SPTA1: variants seen among roughly 807,000 people sequenced by gnomAD.
SPTA1 encodes spectrin alpha, erythrocytic 1, also known as spectrin alpha chain, erythrocytic 1.
A neutral mutation model predicts 324.7 loss-of-function variants in SPTA1; 177 were observed. That is an observed-to-expected ratio of 0.55 (90% CI 0.48 to 0.62). The LOEUF (loss-of-function observed/expected upper bound fraction) is 0.62. Ranked by LOEUF, SPTA1 falls within the 20% of genes least tolerant of loss-of-function variation. The probability of loss-of-function intolerance (pLI) is 0.00; values close to 1 mark genes in which losing one functional copy is unlikely to be tolerated. For synonymous variants in SPTA1, 1,195 were observed against 1,041.3 expected (o/e 1.15, Z -2.84); for missense variants, 3,162 against 2,883.6 (o/e 1.10, Z -2.21).
intron 34 of SPTA1, 68 bp from the exon 35 acceptor site, chr1:158,639,754 G>T (rs975462489): frequency 6.2e-7 from 1 of 1,611,012 alleles, no homozygotes; most frequent in Admixed American, 1.7e-5. Flanking sequence ...AAGATCAGCA[G>T]CTATGTCCCC....
chr1:158,640,144 A>G (rs1651436798), intron 33 of SPTA1, 137 bp from the exon 34 acceptor site: 18 of 1,050,286 alleles, frequency 1.7e-5, no homozygotes, highest in Non-Finnish European at 2.5e-5. Context: ...ATACATTTCA[A>G]ACCAGTTATA....
At chr1:158,640,792 G>T (rs913431710) in intron 33 of SPTA1, among the ~76,000 whole-genome samples, 1 of 152,150 alleles carries the variant, frequency 6.6e-6, no homozygotes, top group African/African-American at 2.4e-5. Flanking sequence ...TTTCTTCACA[G>T]AATTGGAAAA....
intron 39 of SPTA1, among the ~76,000 whole-genome samples, chr1:158,629,283 T>A (rs1484407810): frequency 1.3e-5 from 2 of 151,764 alleles, no homozygotes; most frequent in Non-Finnish European, 2.9e-5. Flanking sequence ...GCAAAACTCC[T>A]CAACAAAATA....
chr1:158,635,803 A>T (rs970395508), intron 38 of SPTA1, 110 bp downstream of exon 38: 1 of 1,500,986 alleles, frequency 6.7e-7, no homozygotes, highest in Non-Finnish European at 9.2e-7. Flanking sequence ...GGAGATAGAT[A>T]GGTAGTTGGG....
chr1:158,614,004 G>T, intron 49 of SPTA1, 137 bp from the exon 50 acceptor site: 1 of 1,013,530 alleles, frequency 9.9e-7, no homozygotes, highest in Non-Finnish European at 1.5e-6. Flanking sequence ...TGAATACAAA[G>T]CCTGTCTGTG....
chr1:158,655,131 C>T (rs992376647), intron 20 of SPTA1, among the ~76,000 whole-genome samples: 1 of 152,180 alleles, frequency 6.6e-6, no homozygotes, highest in Non-Finnish European at 1.5e-5. Flanking sequence ...AAAAGACCCA[C>T]TCTCTGTCGT....
Position 158,644,323 on chromosome 1 carries a change from T to C in SPTA1, c.4268A>G (p.Lys1423Arg). 1 of 1,613,952 alleles carries C rather than the reference T, an allele frequency of 6.2e-7. No homozygotes were observed. The highest frequency in any genetic ancestry group is 8.5e-7 in the Non-Finnish European group (1 of 1,179,910). The change falls in exon 30 of 52, where the codon AAA (lysine) becomes AGA (arginine). Residue 1423 changes from lysine (K) to arginine (R), a missense_variant. Coordinates refer to ENST00000643759, the MANE Select transcript of SPTA1 (RefSeq NM_003126.4). ...ARENSLRSDD[K>R]SSLDSLEALM... ...AGCCTCCAGACTGTCTAAGGAACTT[T>C]TGTCATCTGACCTCAGGGAATTCTC...
At chr1:158,642,357 T>C (rs1007948305) in intron 33 of SPTA1, 54 bp downstream of exon 33, 8 of 1,569,184 alleles carry the variant, frequency 5.1e-6, no homozygotes, top group Non-Finnish European at 6.9e-6. Context: ...AAAGAAAGAG[T>C]AAATGATTCC....
At chr1:158,677,616 C>T (rs755092455) in intron 7 of SPTA1, 74 bp downstream of exon 7, 585 of 1,577,466 alleles carry the variant, frequency 3.7e-4, no homozygotes, top group Non-Finnish European at 4.8e-4. Flanking sequence ...TCTGGAGGCA[C>T]GGTAATAGGC....
rs1055540675 is a variant in SPTA1, at chr1:158,638,296, C to T, written c.4981-55G>A. ...GTATAGTATAGGCATTACTCAGATC[C>T]CACACTTTAACAACAGCTGGTCTGG... On this transcript the variant is annotated intron_variant, in intron 35 of 51. Transcript: ENST00000643759. 20 of 1,554,268 alleles carry T rather than the reference C, an allele frequency of 1.3e-5. No individual in the cohort carries two copies. The South Asian group carries it at 1.9e-4, about 15-fold the overall frequency.
chr1:158,633,725 G>A (rs1039716908), intron 39 of SPTA1, among the ~76,000 whole-genome samples: 3 of 151,706 alleles, frequency 2.0e-5, no homozygotes, highest in Non-Finnish European at 2.9e-5. Flanking sequence ...GGAAGCCTTT[G>A]AGAGCATTTG....
intron 2 of SPTA1, 76 bp downstream of exon 2, chr1:158,685,032 T>G: frequency 1.3e-6 from 2 of 1,576,752 alleles, no homozygotes; most frequent in Non-Finnish European, 1.7e-6. Flanking sequence ...CCATTAACAT[T>G]AACATAAAGA....
At chr1:158,617,435 G>C (rs1327312441) in intron 47 of SPTA1, 102 bp downstream of exon 47, 9 of 904,708 alleles carry the variant, frequency 9.9e-6, no homozygotes, top group Non-Finnish European at 1.6e-5. Context: ...GACTTCAGGT[G>C]ATACATACCT....
chr1:158,627,736 G>C lies in SPTA1; in HGVS notation c.5566-13C>G, dbSNP rs1650371270. 1 of 1,609,308 alleles carries C rather than the reference G, an allele frequency of 6.2e-7. No individual in the cohort carries two copies. The highest frequency in any genetic ancestry group is 8.5e-7 in the Non-Finnish European group (1 of 1,178,744). On this transcript the variant is annotated splice_polypyrimidine_tract_variant and intron_variant, in intron 39 of 51. Transcript: ENST00000643759. Reference sequence around the variant, plus strand: ...TCATTAGCAAGCTCTGCATAAATAAGTCGGTGAGAATTAAGATATCCAAAG... The same window carrying C: ...TCATTAGCAAGCTCTGCATAAATAACTCGGTGAGAATTAAGATATCCAAAG...
intron 45 of SPTA1, 98 bp downstream of exon 45, chr1:158,619,124 C>G: frequency 8.7e-7 from 1 of 1,143,544 alleles, no homozygotes; most frequent in Non-Finnish European, 1.3e-6. Context: ...AGAATACATG[C>G]TCTCAGAGTC....
chr1:158,652,672 A>G lies in SPTA1; in HGVS notation c.3189-19T>C. The stretch of plus-strand genomic sequence containing the variant: ...GCGGTATCTGGATGGAGAATTGGGA[A>G]AAGTGGAATAAAAGAAGGAGAAAAT... On this transcript the variant is annotated intron_variant, in intron 22 of 51. Transcript: ENST00000643759. The G allele has an allele frequency of 1.2e-6, 2 of 1,613,922 alleles. No homozygotes were observed. Among genetic ancestry groups the G allele is most frequent in the Non-Finnish European group, 1.7e-6 (2 of 1,179,916 alleles).
chr1:158,671,171 A>C (rs1653995768), intron 12 of SPTA1, among the ~76,000 whole-genome samples, 172 bp downstream of exon 12: 1 of 152,208 alleles, frequency 6.6e-6, no homozygotes, highest in East Asian at 1.9e-4. Flanking sequence ...AAAGAGTTTG[A>C]AAAACACACA....
chr1:158,637,917 G>T (rs1651204186), intron 36 of SPTA1, 116 bp downstream of exon 36: 1 of 1,202,646 alleles, frequency 8.3e-7, no homozygotes, highest in Non-Finnish European at 1.2e-6. Flanking sequence ...CAAACATGAA[G>T]TAGTGCTATC....
chr1:158,626,945 C>T lies in SPTA1; in HGVS notation c.5727G>A (p.Lys1909=). The T allele has an allele frequency of 6.2e-7, 1 of 1,613,954 alleles. No individual in the cohort carries two copies. Among genetic ancestry groups the T allele is most frequent in the Non-Finnish European group, 8.5e-7 (1 of 1,179,850 alleles). ...ISSKIEALNE[K]TPSLAKAIAA... ...CTATTGCCTTAGCCAGAGAAGGGGT[C>T]TTTTCATTCAGAGCCTCTATCTTGG... is the stretch of plus-strand genomic sequence containing the variant. The change falls in exon 41 of 52, where the codon AAG becomes AAA. Residue 1909 remains lysine, a synonymous_variant. Coordinates refer to ENST00000643759, the MANE Select transcript of SPTA1 (RefSeq NM_003126.4).
Sources: allele counts gnomAD v4.1 joint callset (sites outside exome capture counted in the v4.1 genomes callset), GRCh38; gene constraint gnomAD v4.1.1; transcripts MANE v1.5; gene names NCBI Gene and HGNC (gene_info 2026-07-23, HGNC 2026-07-21).